FBXL17: variants seen among roughly 807,000 people sequenced by gnomAD.
FBXL17 encodes F-box and leucine rich repeat protein 17.
Under a neutral mutation model 66.2 loss-of-function variants are expected in FBXL17, and 22 were observed. The observed-to-expected ratio is 0.33, with a 90% CI of 0.24 to 0.47. The LOEUF (loss-of-function observed/expected upper bound fraction) is 0.47. FBXL17 is among the 20% of genes least tolerant of loss of function. The pLI is 1.00. For missense variants in FBXL17, 878 were observed against 948.2 expected, an observed-to-expected ratio of 0.93 and a Z score of 0.97; for synonymous variants, 474 against 400.5, an observed-to-expected ratio of 1.18 and a Z score of -2.19.
chr5:108,241,782 C>T (rs1335696537), intron 4 of FBXL17, among the ~76,000 whole-genome samples: 1 of 152,030 alleles, frequency 6.6e-6, no homozygotes, highest in Non-Finnish European at 1.5e-5. Flanking sequence ...AAACAAAAAA[C>T]AAATAACACA....
intron 4 of FBXL17, among the ~76,000 whole-genome samples, chr5:108,301,452 T>C (rs1758584695): frequency 6.6e-6 from 1 of 151,812 alleles, no homozygotes; most frequent in South Asian, 2.1e-4. Context: ...TACTGCAAGA[T>C]TCTTACATCT....
chr5:108,286,753 A>T (rs768326953), intron 4 of FBXL17, among the ~76,000 whole-genome samples: 25 of 152,128 alleles, frequency 1.6e-4, no homozygotes, highest in Non-Finnish European at 3.1e-4. Flanking sequence ...CAAACTACCA[A>T]CGACATTATT....
chr5:108,077,016 A>T, intron 6 of FBXL17, among the ~76,000 whole-genome samples: 1 of 152,304 alleles, frequency 6.6e-6, no homozygotes, highest in East Asian at 1.9e-4. Context: ...GACCTAAGGT[A>T]AGTACAGAAT....
At chr5:107,913,366 A>G (rs1750014225) in intron 7 of FBXL17, among the ~76,000 whole-genome samples, 2 of 152,116 alleles carry the variant, frequency 1.3e-5, no homozygotes, top group Admixed American at 1.3e-4. Context: ...GGCAGAGGAG[A>G]TGGGATGAGA....
chr5:108,120,443 G>C (rs1408299268), intron 6 of FBXL17, among the ~76,000 whole-genome samples: 1 of 152,162 alleles, frequency 6.6e-6, no homozygotes, highest in African/African-American at 2.4e-5. Context: ...TACTGAATGT[G>C]TACTTGGATG....
At chr5:108,290,889 A>T (rs1437210099) in intron 4 of FBXL17, among the ~76,000 whole-genome samples, 1 of 152,156 alleles carries the variant, frequency 6.6e-6, no homozygotes, top group African/African-American at 2.4e-5. Flanking sequence ...GCTAATGTTT[A>T]ATCTTGTTTT....
intron 4 of FBXL17, among the ~76,000 whole-genome samples, chr5:108,239,720 C>G (rs1037581024): frequency 6.6e-6 from 1 of 152,086 alleles, no homozygotes; most frequent in Non-Finnish European, 1.5e-5. Flanking sequence ...CACCACCTGG[C>G]GGGAGCTGGG....
intron 4 of FBXL17, among the ~76,000 whole-genome samples, chr5:108,342,493 G>C (rs115307910): frequency 0.016 from 2,393 of 152,138 alleles, 57 homozygotes; most frequent in African/African-American, 0.055. Flanking sequence ...TTCTTCCTTT[G>C]ATGTCTCACA....
intron 6 of FBXL17, among the ~76,000 whole-genome samples, chr5:108,098,189 T>A (rs930598534): frequency 6.6e-6 from 1 of 152,160 alleles, no homozygotes; most frequent in Admixed American, 6.5e-5. Context: ...TGGGCTATCA[T>A]ATACTGCAAA....
intron 5 of FBXL17, 59 bp from the exon 6 acceptor site, chr5:108,186,306 C>G (rs1234239252): frequency 6.9e-7 from 1 of 1,449,208 alleles, no homozygotes; most frequent in Non-Finnish European, 9.6e-7. Flanking sequence ...ACTCTCAAAA[C>G]TTACAAATGT....
Position 108,072,959 on chromosome 5 carries a change from A to T in FBXL17, c.1746-51958T>A, listed in dbSNP as rs1186999864. 7.9e-5 allele frequency among the ~76,000 whole-genome samples: 12 copies of T among 152,322 alleles called. No individual in the cohort carries two copies. The East Asian group carries it at 2.3e-3, about 29-fold the overall frequency. On this transcript the variant is annotated intron_variant, in intron 6 of 8. Coordinates refer to ENST00000542267, the MANE Select transcript of FBXL17 (RefSeq NM_001163315.3). The stretch of plus-strand genomic sequence containing the variant: ...AAAAGTATATGAGATCATGACCACA[A>T]AACGAGTGAAATATATATGCTTATT...
chr5:107,982,162 A>G (rs924046143), intron 7 of FBXL17, among the ~76,000 whole-genome samples: 1 of 152,242 alleles, frequency 6.6e-6, no homozygotes, highest in African/African-American at 2.4e-5. Context: ...TTGAATATAC[A>G]GTACTCTCCA....
chr5:108,243,477 T>C (rs1231647483), intron 4 of FBXL17, among the ~76,000 whole-genome samples: 1 of 152,164 alleles, frequency 6.6e-6, no homozygotes, highest in African/African-American at 2.4e-5. Flanking sequence ...ATTTGTACAG[T>C]AGCTCACTGA....
intron 5 of FBXL17, among the ~76,000 whole-genome samples, chr5:108,192,802 A>G (rs1753521596): frequency 1.3e-5 from 2 of 152,146 alleles, no homozygotes; most frequent in African/African-American, 4.8e-5. Flanking sequence ...GAAAAGAAAG[A>G]AAGAAAAGAA....
chr5:108,361,101 A>G (rs1748312382), intron 3 of FBXL17, among the ~76,000 whole-genome samples: 1 of 152,148 alleles, frequency 6.6e-6, no homozygotes, highest in Non-Finnish European at 1.5e-5. Context: ...TTCCTCAAGA[A>G]TGGGTTCTAT....
chr5:107,895,081 G>C (rs1168426768), intron 7 of FBXL17, among the ~76,000 whole-genome samples: 1 of 151,842 alleles, frequency 6.6e-6, no homozygotes, highest in African/African-American at 2.4e-5. Flanking sequence ...TCTGTCTTTT[G>C]TAACCACAAT....
At chr5:108,326,594 GAGCAA>G (rs1293002692) in intron 4 of FBXL17, among the ~76,000 whole-genome samples, 1 of 151,914 alleles carries the variant, frequency 6.6e-6, no homozygotes, top group Non-Finnish European at 1.5e-5. Context: ...CAGAGCGACA[GAGCAA>G]GACTCTGTCT....
intron 6 of FBXL17, among the ~76,000 whole-genome samples, chr5:108,051,917 T>C (rs1003978101): frequency 1.3e-5 from 2 of 151,922 alleles, no homozygotes; most frequent in African/African-American, 4.8e-5. Flanking sequence ...TAGACCATCA[T>C]GGCTAACATG....
At chr5:108,001,237 C>T (rs1323546090) in intron 7 of FBXL17, among the ~76,000 whole-genome samples, 1 of 151,974 alleles carries the variant, frequency 6.6e-6, no homozygotes, top group Admixed American at 6.6e-5. Flanking sequence ...AGTTTTGATC[C>T]AATTTAGGGA....
Sources: allele counts gnomAD v4.1 joint callset (sites outside exome capture counted in the v4.1 genomes callset), GRCh38; gene constraint gnomAD v4.1.1; transcripts MANE v1.5; gene names NCBI Gene and HGNC (gene_info 2026-07-23, HGNC 2026-07-21).